Variants in PKIB observed in about 807,000 individuals in gnomAD.
The protein encoded by PKIB is cAMP-dependent protein kinase inhibitor beta.
Under a neutral mutation model 4.5 loss-of-function variants are expected in PKIB, and 2 were observed. That is an observed-to-expected ratio of 0.44 (90% CI 0.18 to 1.39). PKIB has a LOEUF of 1.39. Among genes scored for constraint, PKIB ranks in the 40% most tolerant of loss-of-function variants. The probability of loss-of-function intolerance (pLI) is 0.27; values close to 1 mark genes in which losing one functional copy is unlikely to be tolerated. For synonymous variants in PKIB, 38 were observed against 36.0 expected (o/e 1.06, Z -0.20); for missense variants, 94 against 92.6 (o/e 1.02, Z -0.06).
At chr6:122,488,646 C>T (rs551895561) in intron 2 of PKIB, among the ~76,000 whole-genome samples, 1 of 152,178 alleles carries the variant, frequency 6.6e-6, no homozygotes, top group African/African-American at 2.4e-5. Context: ...GTTGCCCAGG[C>T]TGTTCTCAAA....
chr6:122,619,337 A>C (rs1282081282), intron 1 of PKIB, among the ~76,000 whole-genome samples: 3 of 152,094 alleles, frequency 2.0e-5, no homozygotes, highest in African/African-American at 7.2e-5. Context: ...TTTTGTTTCT[A>C]TTTAAAATTT....
At chr6:122,686,930 G>T (rs1468028011) in intron 3 of PKIB, among the ~76,000 whole-genome samples, 1 of 152,044 alleles carries the variant, frequency 6.6e-6, no homozygotes, top group Non-Finnish European at 1.5e-5. Context: ...TCTTCACCTT[G>T]TTGATTGTTT....
At chr6:122,621,447 A>AT (rs1775224536) in intron 1 of PKIB, among the ~76,000 whole-genome samples, 1 of 152,232 alleles carries the variant, frequency 6.6e-6, no homozygotes, top group Non-Finnish European at 1.5e-5. Context: ...ACACGATGTG[A>AT]TGAAAGCCAC....
intron 3 of PKIB, among the ~76,000 whole-genome samples, chr6:122,715,259 T>G (rs1779437811): frequency 6.6e-6 from 1 of 152,096 alleles, no homozygotes; most frequent in Non-Finnish European, 1.5e-5. Context: ...TTAAAAACTA[T>G]TATTACATTT....
chr6:122,649,861 T>G (rs1281971376), intron 2 of PKIB, among the ~76,000 whole-genome samples: 1 of 152,162 alleles, frequency 6.6e-6, no homozygotes, highest in Admixed American at 6.6e-5. Flanking sequence ...CCTTCAGGGA[T>G]CTGCCAAAGG....
intron 1 of PKIB, among the ~76,000 whole-genome samples, chr6:122,476,031 G>A (rs1021474500): frequency 2.0e-5 from 3 of 151,992 alleles, no homozygotes; most frequent in African/African-American, 7.2e-5. Flanking sequence ...AGATTTTAAG[G>A]AAAATAATCA....
chr6:122,724,701 A>C (rs1473974238), intron 4 of PKIB, among the ~76,000 whole-genome samples: 1 of 152,174 alleles, frequency 6.6e-6, no homozygotes, highest in African/African-American at 2.4e-5. Flanking sequence ...CTCCTAAGAA[A>C]GAGCAAAGGG....
chr6:122,529,612 G>A (rs1247738573), intron 2 of PKIB, among the ~76,000 whole-genome samples: 1 of 152,112 alleles, frequency 6.6e-6, no homozygotes, highest in Non-Finnish European at 1.5e-5. Context: ...AGAGCAGGTC[G>A]AGTGGTAATG....
chr6:122,548,054 G>A (rs1056090961), intron 2 of PKIB, among the ~76,000 whole-genome samples: 18 of 152,066 alleles, frequency 1.2e-4, no homozygotes, highest in African/African-American at 3.4e-4. Context: ...TACACACACC[G>A]GCTTTATACA....
At chr6:122,625,905 C>CA (rs1582751113) in intron 1 of PKIB, among the ~76,000 whole-genome samples, 1 of 151,980 alleles carries the variant, frequency 6.6e-6, no homozygotes, top group Non-Finnish European at 1.5e-5. Flanking sequence ...TCCATCTCTA[C>CA]AAAAAATACA....
chr6:122,688,815 C>G (rs1434120707), intron 3 of PKIB, among the ~76,000 whole-genome samples: 1 of 147,216 alleles, frequency 6.8e-6, no homozygotes, highest in East Asian at 2.0e-4. Context: ...GAGTCTTGCT[C>G]TGTCGCCCAG....
At chr6:122,693,309 C>A (rs1023823337) in intron 3 of PKIB, among the ~76,000 whole-genome samples, 2 of 152,122 alleles carry the variant, frequency 1.3e-5, no homozygotes, top group African/African-American at 4.8e-5. Flanking sequence ...TACTCCCCAC[C>A]GCCCCCTGCT....
rs372656572 is a variant in PKIB, at chr6:122,538,064, G to C, written c.-247-47857G>C. ...TGTAAATTTGTTTGAGTTCATTGTA[G>C]ATTCTGGATATTAGCCCTTTGTCAG... On this transcript the variant is annotated intron_variant, in intron 2 of 6. Transcript: ENST00000392491. Among the ~76,000 whole-genome samples, 73 of 152,084 alleles carry C rather than the reference G, an allele frequency of 4.8e-4. 3 individuals carry two copies. The highest frequency in any genetic ancestry group is 1.7e-3 in the African/African-American group (71 of 41,436).
chr6:122,507,462 G>A (rs952486550), intron 2 of PKIB, among the ~76,000 whole-genome samples: 5 of 152,236 alleles, frequency 3.3e-5, no homozygotes, highest in East Asian at 1.9e-4. Context: ...AGTAATTACC[G>A]TATTATAGTC....
At chr6:122,532,295 C>T (rs1582680509) in intron 2 of PKIB, among the ~76,000 whole-genome samples, 1 of 152,172 alleles carries the variant, frequency 6.6e-6, no homozygotes, top group Admixed American at 6.5e-5. Flanking sequence ...AGTTCTCTAT[C>T]ACTCTTTTGT....
At chr6:122,694,923 A>G (rs750887087) in intron 3 of PKIB, among the ~76,000 whole-genome samples, 6 of 152,218 alleles carry the variant, frequency 3.9e-5, no homozygotes, top group Non-Finnish European at 5.9e-5. Flanking sequence ...AGAAATGACT[A>G]AAAGGACTGG....
intron 1 of PKIB, among the ~76,000 whole-genome samples, chr6:122,473,154 A>G (rs900506263): frequency 6.6e-6 from 1 of 152,194 alleles, no homozygotes; most frequent in Non-Finnish European, 1.5e-5. Context: ...ACCTAACAAT[A>G]TTTTTAATTA....
At chr6:122,534,419 C>G (rs1365520912) in intron 2 of PKIB, among the ~76,000 whole-genome samples, 1 of 151,686 alleles carries the variant, frequency 6.6e-6, no homozygotes, top group Non-Finnish European at 1.5e-5. Context: ...GAGCATTTTC[C>G]TGAGTTCACA....
intron 3 of PKIB, 87 bp downstream of exon 3, chr6:122,675,231 A>G (rs1777625300): frequency 6.6e-6 from 1 of 152,628 alleles, no homozygotes; most frequent in South Asian, 2.1e-4. Context: ...TTGACAGGAA[A>G]TGGATATTTA....
Sources: gnomAD v4.1 joint callset for allele counts (sites outside exome capture counted in the v4.1 genomes callset) on GRCh38, gnomAD v4.1.1 for gene constraint, MANE v1.5 for transcripts, NCBI Gene and HGNC (gene_info 2026-07-23, HGNC 2026-07-21) for gene names.